MRTFB: variants seen among roughly 807,000 people sequenced by gnomAD.
MRTFB encodes the protein myocardin related transcription factor B.
MRTFB carries 29 observed loss-of-function variants against 104.2 expected under a neutral mutation model. That is an observed-to-expected ratio of 0.28 (90% confidence interval 0.21 to 0.38). The LOEUF (loss-of-function observed/expected upper bound fraction) is 0.38. Ranked by LOEUF, MRTFB falls within the 10% of genes least tolerant of loss-of-function variation. MRTFB has a pLI of 1.00. For missense variants in MRTFB, 1,270 were observed against 1,341.6 expected (o/e 0.95, Z 0.83); for synonymous variants, 535 against 519.5 (o/e 1.03, Z -0.41).
chr16:14,049,445 G>C, the MRTFB span, among the ~76,000 whole-genome samples: 1 of 152,178 alleles, frequency 6.6e-6, no homozygotes, highest in Non-Finnish European at 1.5e-5. Context: ...CTGAAGCTTG[G>C]ATTCTCTTTG....
the MRTFB span, among the ~76,000 whole-genome samples, chr16:14,065,365 CTA>C: frequency 6.6e-6 from 1 of 152,262 alleles, no homozygotes; most frequent in South Asian, 2.1e-4. Flanking sequence ...GGGGCTGAGA[CTA>C]AGGTTTTCTA....
intron 2 of MRTFB, among the ~76,000 whole-genome samples, chr16:14,091,151 T>C (rs2035039650): frequency 6.6e-6 from 1 of 152,034 alleles, no homozygotes; most frequent in African/African-American, 2.4e-5. Context: ...GGCAACCCAT[T>C]AGGCTGTTAC....
At chr16:14,029,514 TACAC>T in the MRTFB span, among the ~76,000 whole-genome samples, 6 of 112,554 alleles carry the variant, frequency 5.3e-5, no homozygotes, top group Non-Finnish European at 8.3e-5. Context: ...CACATATATA[TACAC>T]ACACACACAC....
chr16:14,259,620 G>A (rs1220699518), intron 16 of MRTFB, among the ~76,000 whole-genome samples: 3 of 152,172 alleles, frequency 2.0e-5, no homozygotes, highest in South Asian at 4.1e-4. Flanking sequence ...CATGGTGGAG[G>A]GCACCTGTAA....
the MRTFB span, among the ~76,000 whole-genome samples, chr16:14,054,860 G>T: frequency 6.6e-6 from 1 of 152,142 alleles, no homozygotes. Flanking sequence ...GATTCACATT[G>T]CTGCTAGAAA....
intron 8 of MRTFB, among the ~76,000 whole-genome samples, chr16:14,227,865 A>G (rs1022375701): frequency 1.3e-5 from 2 of 152,054 alleles, no homozygotes; most frequent in African/African-American, 2.4e-5. Flanking sequence ...TATCTAATGT[A>G]CAAAAAGAAC....
At chr16:14,089,612 A>T (rs2034930702) in intron 2 of MRTFB, among the ~76,000 whole-genome samples, 2 of 152,188 alleles carry the variant, frequency 1.3e-5, no homozygotes, top group African/African-American at 4.8e-5. Context: ...TTTCTAGTGG[A>T]CACAGGTTTT....
chr16:14,024,911 A>T, the MRTFB span, among the ~76,000 whole-genome samples: 3,510 of 152,300 alleles, frequency 0.023, 149 homozygotes, highest in African/African-American at 0.081. Context: ...GAAGTTATGT[A>T]AATTTCCCCA....
chr16:14,159,929 C>CAAAAAAAAAAAAAAAAAAAAA (rs552159164), intron 3 of MRTFB, among the ~76,000 whole-genome samples: 1 of 55,634 alleles, frequency 1.8e-5, no homozygotes, highest in Non-Finnish European at 4.2e-5. Flanking sequence ...GACTCCGTCT[C>CAAAAAAAAAAAAAAAAAAAAA]AAAAAAAAAA....
intron 2 of MRTFB, among the ~76,000 whole-genome samples, chr16:14,091,143 C>G (rs1567311408): frequency 6.6e-6 from 1 of 152,032 alleles, no homozygotes; most frequent in Non-Finnish European, 1.5e-5. Flanking sequence ...TAGAGACAGG[C>G]AACCCATTAG....
At chr16:14,248,312 C>G (rs574372492) in intron 12 of MRTFB, 1 of 152,286 alleles carries the variant, frequency 6.6e-6, no homozygotes, top group Admixed American at 6.5e-5. Flanking sequence ...GGAATCATCT[C>G]GTACCCCTGT....
At chr16:14,242,219 G>A (rs914407674) in intron 10 of MRTFB, among the ~76,000 whole-genome samples, 1 of 151,960 alleles carries the variant, frequency 6.6e-6, no homozygotes, top group Non-Finnish European at 1.5e-5. Flanking sequence ...TGTGCGACTG[G>A]CTTTGTAGAT....
At chr16:14,233,539 G>C (rs1318086853) in intron 8 of MRTFB, among the ~76,000 whole-genome samples, 1 of 152,110 alleles carries the variant, frequency 6.6e-6, no homozygotes, top group Non-Finnish European at 1.5e-5. Context: ...TGTAATCTCA[G>C]CACTTTGGGA....
At chr16:14,176,133 C>G (rs1032830622) in intron 3 of MRTFB, among the ~76,000 whole-genome samples, 1 of 152,110 alleles carries the variant, frequency 6.6e-6, no homozygotes, top group Admixed American at 6.5e-5. Flanking sequence ...CTTTTAGATA[C>G]AACCAAAAAT....
chr16:14,186,845 C>A (rs1172854607), intron 3 of MRTFB: 3 of 1,594,206 alleles, frequency 1.9e-6, no homozygotes, highest in Non-Finnish European at 2.5e-6. Flanking sequence ...TTCTGCGCAC[C>A]GCACTTCGCT....
the MRTFB span, among the ~76,000 whole-genome samples, chr16:14,042,031 T>C: frequency 6.6e-6 from 1 of 152,230 alleles, no homozygotes; most frequent in Admixed American, 6.5e-5. Flanking sequence ...AACTCCATAC[T>C]GTTTTCCATG....
At chr16:14,054,628 T>G in the MRTFB span, among the ~76,000 whole-genome samples, 13 of 152,370 alleles carry the variant, frequency 8.5e-5, 1 homozygote, top group South Asian at 4.1e-4. Context: ...GATTTGATTT[T>G]ATTTTTTGTA....
intron 3 of MRTFB, among the ~76,000 whole-genome samples, chr16:14,179,064 A>C (rs886720294): frequency 6.6e-6 from 1 of 152,220 alleles, no homozygotes; most frequent in African/African-American, 2.4e-5. Context: ...TTTTGTTAAT[A>C]TGACATTGTT....
chr16:14,026,027 A>C, the MRTFB span, among the ~76,000 whole-genome samples: 1 of 152,220 alleles, frequency 6.6e-6, no homozygotes, highest in East Asian at 1.9e-4. Context: ...GATTCAACAT[A>C]ATATAGATGT....
Sources: allele counts gnomAD v4.1 joint callset (sites outside exome capture counted in the v4.1 genomes callset), GRCh38; gene constraint gnomAD v4.1.1; transcripts MANE v1.5; gene names NCBI Gene and HGNC (gene_info 2026-07-23, HGNC 2026-07-21).